The following EPS15 variants were observed in gnomAD, a reference collection of about 807,000 sequenced individuals.
The protein encoded by EPS15 is epidermal growth factor receptor substrate 15.
A neutral mutation model predicts 113.8 loss-of-function variants in EPS15; 72 were observed. That is an observed-to-expected ratio of 0.63 (90% CI 0.52 to 0.77). The LOEUF (loss-of-function observed/expected upper bound fraction) is 0.77, where lower values mean the gene tolerates loss of function less well. Among genes scored for constraint, EPS15 ranks in the 30% least tolerant of loss-of-function variants. The pLI is 0.00. For missense variants in EPS15, 1,048 were observed against 1,045.8 expected (o/e 1.00, Z -0.03); for synonymous variants, 344 against 363.4 (o/e 0.95, Z 0.61).
chr1:51,361,129 T>G, intron 24 of EPS15, 42 bp downstream of exon 24: 3 of 1,473,992 alleles, frequency 2.0e-6, no homozygotes, highest in Non-Finnish European at 2.8e-6. Flanking sequence ...CTGAAAACTC[T>G]TTAAAGATTT....
chr1:51,361,109 A>AAAATAATCTCTGAAAACTCC (rs1198300664), intron 24 of EPS15, 62 bp downstream of exon 24: 43 of 1,312,090 alleles, frequency 3.3e-5, no homozygotes, highest in Non-Finnish European at 3.9e-5. Context: ...GGCAGACTCC[A>AAAATAATCTCTGAAAACTCC]AAATAATCTC....
chr1:51,398,831 C>T (rs1648227154), intron 20 of EPS15, among the ~76,000 whole-genome samples: 1 of 152,152 alleles, frequency 6.6e-6, no homozygotes. Flanking sequence ...TTCAGTCATT[C>T]CAGTTAATTC....
intron 21 of EPS15, among the ~76,000 whole-genome samples, chr1:51,387,863 T>C (rs1285724850): frequency 6.6e-6 from 1 of 152,124 alleles, no homozygotes; most frequent in Non-Finnish European, 1.5e-5. Context: ...TCCCACACAA[T>C]AATAATGGGA....
At chr1:51,432,298 T>TTATGTATGTATGTATGTATG (rs71063032) in intron 12 of EPS15, among the ~76,000 whole-genome samples, 3 of 145,884 alleles carry the variant, frequency 2.1e-5, no homozygotes, top group Non-Finnish European at 3.0e-5. Flanking sequence ...GCCACATAGA[T>TTATGTATGTATGTATGTATG]TATGTATGTA....
chr1:51,363,991 C>T lies in EPS15; in HGVS notation c.2234G>A (p.Ser745Asn). The change falls in exon 23 of 25, where the codon AGC becomes AAC. Residue 745 changes from serine (S) to asparagine (N), a missense_variant. Coordinates refer to ENST00000371733, the MANE Select transcript of EPS15 (RefSeq NM_001981.3). ...NEDPFRSATS[S>N]SVSNVVITKN... Reference sequence around the variant, plus strand: ...TGTAATCACTACGTTGCTGACAGAGCTCGATGTGGCTGAACGAAAAGGATC... The same window carrying T: ...TGTAATCACTACGTTGCTGACAGAGTTCGATGTGGCTGAACGAAAAGGATC... 6.2e-7 allele frequency: 1 copy of T among 1,613,340 alleles called. No homozygotes were observed. Among genetic ancestry groups the T allele is most frequent in the Non-Finnish European group, 8.5e-7 (1 of 1,179,636 alleles).
At chr1:51,393,280 A>C (rs1647573664) in intron 21 of EPS15, among the ~76,000 whole-genome samples, 1 of 152,192 alleles carries the variant, frequency 6.6e-6, no homozygotes, top group African/African-American at 2.4e-5. Flanking sequence ...GCAATGGCAC[A>C]ATCTCAGCTC....
Position 51,465,279 on chromosome 1 carries a change from C to T in EPS15, c.357G>A (p.Glu119=), listed in dbSNP as rs1654764687. 1 of 1,609,668 alleles carries T rather than the reference C, an allele frequency of 6.2e-7. No individual in the cohort carries two copies. The highest frequency in any genetic ancestry group is 8.5e-7 in the Non-Finnish European group (1 of 1,177,166). ...TACTTACTTTTACAGCCCATGGGAG[C>T]TCAGCTGCAGAGGTTCCACTGATTA... is the stretch of plus-strand genomic sequence containing the variant. ...PLLISGTSAA[E]LPWAVKPEDK... is the part of the protein sequence containing the mutation. Residue 119 remains glutamate, a synonymous_variant, in exon 6 of 25, where the codon GAG becomes GAA. Transcript: ENST00000371733.
chr1:51,457,180 A>G (rs1274942220), intron 8 of EPS15, among the ~76,000 whole-genome samples: 2 of 151,982 alleles, frequency 1.3e-5, no homozygotes, highest in Non-Finnish European at 2.9e-5. Flanking sequence ...CCAGCTACTC[A>G]GGAGGCTGAG....
In EPS15 at chr1:51,356,664, G is replaced by T; in HGVS notation, c.*36C>A. On this transcript the variant is annotated 3_prime_UTR_variant, in exon 25 of 25. Transcript: ENST00000371733. ...AAATAGTTTCAGTATTCAGGAAGAA[G>T]AATACTATATTGTTGCCAAAGAACA... 5 of 1,585,280 alleles carry T rather than the reference G, an allele frequency of 3.2e-6. No individual in the cohort carries two copies. Among genetic ancestry groups the T allele is most frequent in the East Asian group, 4.6e-5 (2 of 43,830 alleles).
chr1:51,358,146 C>T (rs1646285567), intron 24 of EPS15, among the ~76,000 whole-genome samples: 1 of 151,606 alleles, frequency 6.6e-6, no homozygotes, highest in Non-Finnish European at 1.5e-5. Flanking sequence ...TCTGTTTTTA[C>T]AAAAAAAATT....
chr1:51,393,391 G>A (rs1041144158), intron 21 of EPS15, among the ~76,000 whole-genome samples: 1 of 152,182 alleles, frequency 6.6e-6, no homozygotes, highest in East Asian at 1.9e-4. Flanking sequence ...TGCATTTTTA[G>A]TGGAGACGGG....
At chr1:51,473,825 A>G (rs1655412548) in intron 2 of EPS15, among the ~76,000 whole-genome samples, 1 of 152,194 alleles carries the variant, frequency 6.6e-6, no homozygotes, top group Admixed American at 6.6e-5. Flanking sequence ...CAAAGAAGCA[A>G]AAGGGAAAAC....
intron 21 of EPS15, chr1:51,372,931 G>C: frequency 2.9e-6 from 2 of 682,622 alleles, no homozygotes; most frequent in South Asian, 3.4e-5. Flanking sequence ...TCAACCACCA[G>C]ATCATTAGCT....
rs749065259 is a variant in EPS15, at chr1:51,399,167, T to TA, written c.1919-3dup. The TA allele has an allele frequency of 6.2e-7, 1 of 1,610,128 alleles. No homozygotes were observed. Among genetic ancestry groups the TA allele is most frequent in the Non-Finnish European group, 8.5e-7 (1 of 1,178,882 alleles). Reference sequence around the variant, plus strand: ...TGAAAGGATCACCACCAAATGGATCTAAAAAAATAAGGCACGAATATAAGA... The same window carrying TA: ...TGAAAGGATCACCACCAAATGGATCTAAAAAAAATAAGGCACGAATATAAGA... On this transcript the variant is annotated splice_polypyrimidine_tract_variant and splice_region_variant and intron_variant, in intron 19 of 24. Transcript: ENST00000371733.
In EPS15 at chr1:51,451,569, T is replaced by C. The variant is rs375320131; in HGVS notation, c.562-3434A>G. Among the ~76,000 whole-genome samples the C allele has an allele frequency of 4.7e-5, 7 of 149,862 alleles. No individual in the cohort carries two copies. The East Asian group carries it at 9.7e-4, about 21-fold the overall frequency. On this transcript the variant is annotated intron_variant, in intron 8 of 24. Coordinates refer to ENST00000371733, the MANE Select transcript of EPS15 (RefSeq NM_001981.3). ...AAGATAAATAAGAAATTAAGAAAATTAGGCATAGAATAGGGATAAATGGAG... is the reference window on the plus strand; with the variant it reads ...AAGATAAATAAGAAATTAAGAAAATCAGGCATAGAATAGGGATAAATGGAG...
At chr1:51,430,877 T>G (rs1377447351) in intron 12 of EPS15, among the ~76,000 whole-genome samples, 1 of 151,730 alleles carries the variant, frequency 6.6e-6, no homozygotes, top group Non-Finnish European at 1.5e-5. Flanking sequence ...GAGGACTGCT[T>G]AAGCCTGGGA....
At chr1:51,411,156 C>A (rs1476741167) in intron 13 of EPS15, among the ~76,000 whole-genome samples, 1 of 152,170 alleles carries the variant, frequency 6.6e-6, no homozygotes, top group African/African-American at 2.4e-5. Context: ...TTAAATAGAA[C>A]ACTGAACAAT....
intron 23 of EPS15, among the ~76,000 whole-genome samples, chr1:51,363,224 G>T (rs1355715297): frequency 2.0e-5 from 3 of 151,584 alleles, no homozygotes; most frequent in Non-Finnish European, 4.4e-5. Context: ...CTTGAATCCG[G>T]GAGGCTGAGG....
intron 1 of EPS15, among the ~76,000 whole-genome samples, chr1:51,511,955 T>C (rs1012985736): frequency 2.6e-5 from 4 of 152,252 alleles, no homozygotes; most frequent in Admixed American, 6.5e-5. Context: ...TTTCTTTGTA[T>C]ATTTTTACCA....
Sources: gnomAD v4.1 joint callset for allele counts (sites outside exome capture counted in the v4.1 genomes callset) on GRCh38, gnomAD v4.1.1 for gene constraint, MANE v1.5 for transcripts, NCBI Gene and HGNC (gene_info 2026-07-23, HGNC 2026-07-21) for gene names.